The following GPC3 variants were observed in gnomAD, a reference collection of about 807,000 sequenced individuals.
The protein encoded by GPC3 is glypican-3.
GPC3 carries 3 observed loss-of-function variants against 34.4 expected under a neutral mutation model. The ratio of observed to expected loss-of-function variants is 0.09; its 90% CI spans 0.04 to 0.23. GPC3 has a LOEUF of 0.23. Among genes scored for constraint, GPC3 ranks in the 10% least tolerant of loss-of-function variants. The pLI, the probability that GPC3 is intolerant of heterozygous loss-of-function variation, is 1.00. For missense variants in GPC3, 351 were observed against 445.6 expected (o/e 0.79, Z 1.91); for synonymous variants, 177 against 174.0 (o/e 1.02, Z -0.13).
intron 2 of GPC3, among the ~76,000 whole-genome samples, chrX:133,757,482 T>G (rs1226278804): frequency 8.9e-6 from 1 of 111,881 alleles, no homozygotes; most frequent in East Asian, 2.8e-4. Flanking sequence ...AAAATGACTG[T>G]CTTTAGTATT....
intron 2 of GPC3, among the ~76,000 whole-genome samples, chrX:133,937,378 A>G (rs2076327836): frequency 9.0e-6 from 1 of 111,603 alleles, no homozygotes; most frequent in Non-Finnish European, 1.9e-5. Flanking sequence ...TATTGGTGTC[A>G]ATAGAAATAG....
rs140169032 is a variant in GPC3 at position 133,747,956 on chromosome X, A to G, written c.1032+5526T>C. Among the ~76,000 whole-genome samples, 79 of 112,405 alleles carry G rather than the reference A, an allele frequency of 7.0e-4. 1 individual carries two copies. The East Asian group carries it at 0.02, about 29-fold the overall frequency. ...GGAGAGGAAGCACTAACTCTGAGAA[A>G]TGCTGAGATGAATCAATAAAGTATG... On this transcript the variant is annotated intron_variant, in intron 3 of 7. Transcript: ENST00000370818.
chrX:133,536,865 T>C (rs1307305684), intron 7 of GPC3, among the ~76,000 whole-genome samples: 2 of 111,313 alleles, frequency 1.8e-5, no homozygotes, highest in Admixed American at 9.6e-5. Flanking sequence ...TTGAAAGTTG[T>C]TTTATTTTCC....
At chrX:133,560,921 A>G in intron 7 of GPC3, among the ~76,000 whole-genome samples, 1 of 112,221 alleles carries the variant, frequency 8.9e-6, no homozygotes, top group Middle Eastern at 4.6e-3. Context: ...CAAAGAGGTC[A>G]GATGCAATGA....
intron 6 of GPC3, among the ~76,000 whole-genome samples, chrX:133,642,686 C>T (rs1281568665): frequency 1.9e-5 from 2 of 104,683 alleles, no homozygotes; most frequent in East Asian, 3.1e-4. Context: ...GCAGGAGAAT[C>T]GCTTGAACCT....
rs148997578 is a variant in GPC3 at position 133,928,177 on chromosome X, C to A, written c.337+24873G>T. 4.5e-5 allele frequency among the ~76,000 whole-genome samples: 5 copies of A among 111,059 alleles called. No homozygotes were observed. In the East Asian group the frequency reaches 1.1e-3, roughly 25 times the overall value. On this transcript the variant is annotated intron_variant, in intron 2 of 7. Transcript: ENST00000370818. ...TCTCTGTATATCTCTGTATATTTGACCTTTTTCCCCTTTAATGTCCTCCAG... is the reference window on the plus strand; with the variant it reads ...TCTCTGTATATCTCTGTATATTTGAACTTTTTCCCCTTTAATGTCCTCCAG...
At chrX:133,958,039 G>A (rs2076424131) in intron 1 of GPC3, among the ~76,000 whole-genome samples, 1 of 111,777 alleles carries the variant, frequency 8.9e-6, no homozygotes, top group African/African-American at 3.3e-5. Context: ...AGGGCTGCTA[G>A]TTCCCATTTA....
In GPC3 at chrX:133,648,224, C is replaced by T. The variant is rs138734298; in HGVS notation, c.1413+13506G>A. Reference sequence around the variant, plus strand: ...GCTCAGGACAGCAGTGAATGAAGCCCAATGCAAATTTGTGAACTTTCTTAA... The same window carrying T: ...GCTCAGGACAGCAGTGAATGAAGCCTAATGCAAATTTGTGAACTTTCTTAA... On this transcript the variant is annotated intron_variant, in intron 6 of 7. Coordinates refer to ENST00000370818, the MANE Select transcript of GPC3 (RefSeq NM_004484.4). Among the ~76,000 whole-genome samples the T allele has an allele frequency of 7.0e-3, 766 of 109,871 alleles. 5 individuals carry two copies. Among genetic ancestry groups the T allele is most frequent in the Non-Finnish European group, 0.012 (631 of 52,691 alleles).
At chrX:133,920,063 A>G (rs2076241590) in intron 2 of GPC3, among the ~76,000 whole-genome samples, 1 of 106,576 alleles carries the variant, frequency 9.4e-6, no homozygotes, top group Admixed American at 1.0e-4. Context: ...TACTTAGGAA[A>G]CTGAAGCAGG....
Position 133,903,015 on chromosome X carries a change from C to T in GPC3, c.337+50035G>A, listed in dbSNP as rs750350040. Among the ~76,000 whole-genome samples the T allele has an allele frequency of 5.5e-5, 6 of 109,383 alleles. No homozygotes were observed. The South Asian group carries it at 1.6e-3, about 29-fold the overall frequency. The allele number at this position is 109,383 out of a possible 115,157, so 95.0% of individuals were successfully genotyped here. A position where few individuals can be genotyped will look rare whatever the true frequency, so the allele number is the denominator to read the frequency against. ...ATCCCAGCACTTTGGGAGGCCGAGGCGGGCAGATCACTTGAGGTCAGGAGT... is the reference window on the plus strand; with the variant it reads ...ATCCCAGCACTTTGGGAGGCCGAGGTGGGCAGATCACTTGAGGTCAGGAGT... On this transcript the variant is annotated intron_variant, in intron 2 of 7. Coordinates refer to ENST00000370818, the MANE Select transcript of GPC3 (RefSeq NM_004484.4).
intron 2 of GPC3, among the ~76,000 whole-genome samples, chrX:133,805,552 A>G (rs1306422408): frequency 8.9e-6 from 1 of 112,254 alleles, no homozygotes; most frequent in Admixed American, 9.4e-5. Flanking sequence ...CAACATGACA[A>G]TGGTGATACA....
Position 133,625,422 on chromosome X carries a change from G to A in GPC3, c.1414-28823C>T, listed in dbSNP as rs764982346. On this transcript the variant is annotated intron_variant, in intron 6 of 7. Transcript: ENST00000370818. ...GATTGTATATTTACAAAACCCCATC[G>A]TCTCAGCCCAAAATCTCCTTAAGCT... is the stretch of plus-strand genomic sequence containing the variant. Among the ~76,000 whole-genome samples, 7 of 112,012 alleles carry A rather than the reference G, an allele frequency of 6.2e-5. No homozygotes were observed. The South Asian group carries it at 1.1e-3, about 18-fold the overall frequency.
Position 133,872,232 on chromosome X carries a change from T to C in GPC3, c.337+80818A>G, listed in dbSNP as rs1471395976. Among the ~76,000 whole-genome samples, 6 of 111,101 alleles carry C rather than the reference T, an allele frequency of 5.4e-5. No homozygotes were observed. The Admixed American group carries it at 5.7e-4, about 11-fold the overall frequency. ...TTATTTCAAGTACTCATAAACCCCA[T>C]GTATTTTTTTTTTCTCTGAGGTTCG... On this transcript the variant is annotated intron_variant, in intron 2 of 7. Transcript: ENST00000370818.
intron 2 of GPC3, among the ~76,000 whole-genome samples, chrX:133,893,960 A>G (rs1021409447): frequency 1.8e-5 from 2 of 110,870 alleles, no homozygotes; most frequent in African/African-American, 3.3e-5. Flanking sequence ...CAAGTGCTTC[A>G]GCCTCCCAAG....
chrX:133,762,718 C>T, intron 2 of GPC3: 1 of 361,927 alleles, frequency 2.8e-6, no homozygotes, highest in Non-Finnish European at 4.9e-6. Flanking sequence ...AAAACAACAG[C>T]CTTTCCGCCC....
intron 3 of GPC3, among the ~76,000 whole-genome samples, chrX:133,731,667 T>C (rs1378479598): frequency 1.8e-5 from 2 of 112,039 alleles, no homozygotes; most frequent in Non-Finnish European, 3.8e-5. Context: ...AAGGCAGCCA[T>C]ATCTCACTTG....
chrX:133,632,943 A>G (rs1395950344), intron 6 of GPC3, among the ~76,000 whole-genome samples: 1 of 111,151 alleles, frequency 9.0e-6, no homozygotes, highest in Non-Finnish European at 1.9e-5. Context: ...GAATTTTCAT[A>G]TGCATATTAA....
chrX:133,939,062 C>T (rs2076334144), intron 2 of GPC3, among the ~76,000 whole-genome samples: 1 of 111,156 alleles, frequency 9.0e-6, no homozygotes. Flanking sequence ...TAGTAGCTAC[C>T]CCACCTCACT....
chrX:133,798,846 G>A (rs757050853), intron 2 of GPC3, among the ~76,000 whole-genome samples: 3 of 111,368 alleles, frequency 2.7e-5, no homozygotes, highest in Non-Finnish European at 5.6e-5. Flanking sequence ...ACACAGCTGG[G>A]GTGGTATGTA....
Sources: gnomAD v4.1 joint callset for allele counts (sites outside exome capture counted in the v4.1 genomes callset) on GRCh38, gnomAD v4.1.1 for gene constraint, MANE v1.5 for transcripts, NCBI Gene and HGNC (gene_info 2026-07-23, HGNC 2026-07-21) for gene names.